Variants in ARHGEF7 observed in about 807,000 individuals in gnomAD.
ARHGEF7 encodes Rho guanine nucleotide exchange factor 7.
Under a neutral mutation model 109.8 loss-of-function variants are expected in ARHGEF7, and 33 were observed. The observed-to-expected ratio is 0.30, with a 90% CI of 0.23 to 0.40. The LOEUF is 0.40. Among genes scored for constraint, ARHGEF7 ranks in the 10% least tolerant of loss-of-function variants. The pLI, the probability that ARHGEF7 is intolerant of heterozygous loss-of-function variation, is 1.00. For missense variants in ARHGEF7, 938 were observed against 1,098.5 expected (o/e 0.85, Z 2.07); for synonymous variants, 458 against 424.6 (o/e 1.08, Z -0.97).
At position 111,145,552 on chromosome 13, in the gene ARHGEF7, T is replaced by G. The variant is rs979416234; in HGVS notation, c.166-8353T>G. ...TTGGTAAATGTTAAACACCTGGCTG[T>G]CTGGGAGGGGTGGCCCTGGCGTGTA... is the stretch of plus-strand genomic sequence containing the variant. On this transcript the variant is annotated intron_variant, in intron 1 of 21. Coordinates refer to ENST00000646102, the MANE Select transcript of ARHGEF7 (RefSeq NM_001354046.2). The surrounding 1 kb of genome is among the most constrained non-coding windows in gnomAD (Gnocchi z 4.3). Among the ~76,000 whole-genome samples, 1 of 152,182 alleles carries G rather than the reference T, an allele frequency of 6.6e-6. No homozygotes were observed. Among genetic ancestry groups the G allele is most frequent in the Non-Finnish European group, 1.5e-5 (1 of 68,032 alleles).
chr13:111,206,516 T>A (rs1594713861), intron 3 of ARHGEF7, among the ~76,000 whole-genome samples: 2 of 152,200 alleles, frequency 1.3e-5, no homozygotes, highest in East Asian at 3.9e-4. Flanking sequence ...ACTTCTGAGG[T>A]TTAAAGGACT....
rs1022364889 is a variant in ARHGEF7 at position 111,154,070 on chromosome 13, G to C, written c.252+79G>C. 21 of 1,379,360 alleles carry C rather than the reference G, an allele frequency of 1.5e-5. No homozygotes were observed. The Admixed American group carries it at 2.3e-4, about 15-fold the overall frequency. 85.4% of individuals were successfully genotyped at this position (1,379,360 alleles called of 1,614,324 possible). A position where few individuals can be genotyped will look rare whatever the true frequency, so the allele number is the denominator to read the frequency against. ...CCGGGGTGGGTGCTTCGCTCCAGCC[G>C]GACCTCCTGCCTCCTCCGCGCCCGG... On this transcript the variant is annotated intron_variant, in intron 2 of 21. Coordinates refer to ENST00000646102, the MANE Select transcript of ARHGEF7 (RefSeq NM_001354046.2).
At chr13:111,173,461 T>G (rs996382421) in intron 2 of ARHGEF7, among the ~76,000 whole-genome samples, 7 of 152,212 alleles carry the variant, frequency 4.6e-5, no homozygotes, top group Admixed American at 2.0e-4. Context: ...GGGAGGATGC[T>G]CCACCTTCGT....
At chr13:111,127,334 A>C (rs2067632809) in intron 1 of ARHGEF7, among the ~76,000 whole-genome samples, 2 of 152,180 alleles carry the variant, frequency 1.3e-5, no homozygotes, top group Non-Finnish European at 2.9e-5. Flanking sequence ...TAAGAAAAAA[A>C]TAACTGTAAT....
intron 1 of ARHGEF7, among the ~76,000 whole-genome samples, chr13:111,138,791 C>A (rs1388095030): frequency 6.6e-6 from 1 of 152,138 alleles, no homozygotes; most frequent in African/African-American, 2.4e-5. Context: ...TTTGACAACA[C>A]CCCACCCCAA....
rs1199545464 is a variant in ARHGEF7, at chr13:111,266,785, C to T, written c.951-763C>T. 2 of 455,738 alleles carry T rather than the reference C, an allele frequency of 4.4e-6. No homozygotes were observed. The highest frequency in any genetic ancestry group is 8.8e-6 in the Non-Finnish European group (2 of 226,754). 28.2% of individuals were successfully genotyped at this position (455,738 alleles called of 1,614,324 possible). On this transcript the variant is annotated intron_variant, in intron 8 of 21. Transcript: ENST00000646102. The surrounding 1 kb of genome is among the most constrained non-coding windows in gnomAD (Gnocchi z 4.8). ...TGGGGAGCAAAGACACCCTGGGGTG[C>T]AGGGAAGGTGGTAAGAGTTCACGTG...
At chr13:111,182,909 G>A (rs2078903676) in intron 2 of ARHGEF7, among the ~76,000 whole-genome samples, 1 of 152,134 alleles carries the variant, frequency 6.6e-6, no homozygotes, top group African/African-American at 2.4e-5. Context: ...GCTATTCAAC[G>A]CTGTGTTATA....
At chr13:111,133,252 T>C (rs1177917101) in intron 1 of ARHGEF7, among the ~76,000 whole-genome samples, 1 of 152,054 alleles carries the variant, frequency 6.6e-6, no homozygotes, top group Non-Finnish European at 1.5e-5. Flanking sequence ...TATGCGCATA[T>C]ATACATACAG....
At chr13:111,135,341 T>C (rs943998697) in intron 1 of ARHGEF7, among the ~76,000 whole-genome samples, 15 of 152,184 alleles carry the variant, frequency 9.9e-5, no homozygotes, top group Non-Finnish European at 5.9e-5. Context: ...GTGAAGAAAG[T>C]CATTGGTAGC....
At chr13:111,231,182 A>C (rs547613017) in intron 5 of ARHGEF7, among the ~76,000 whole-genome samples, 5 of 152,330 alleles carry the variant, frequency 3.3e-5, no homozygotes, top group Non-Finnish European at 7.3e-5. Flanking sequence ...CTGCCTCCAA[A>C]TTGTAGATTT....
At chr13:111,124,846 G>A (rs1192962449) in intron 1 of ARHGEF7, among the ~76,000 whole-genome samples, 1 of 152,122 alleles carries the variant, frequency 6.6e-6, no homozygotes, top group Admixed American at 6.5e-5. Context: ...TCCAACGGCC[G>A]CCTCCCGGGT....
At chr13:111,132,542 A>G (rs765563802) in intron 1 of ARHGEF7, among the ~76,000 whole-genome samples, 2 of 152,140 alleles carry the variant, frequency 1.3e-5, no homozygotes, top group African/African-American at 2.4e-5. Flanking sequence ...CATGTTGAGG[A>G]CTATTGTTGT....
At chr13:111,141,358 GTTTTT>G (rs34639240) in intron 1 of ARHGEF7, among the ~76,000 whole-genome samples, 1 of 146,940 alleles carries the variant, frequency 6.8e-6, no homozygotes, top group Non-Finnish European at 1.5e-5. Flanking sequence ...CCGTCCCCAT[GTTTTT>G]TTTTTTTAAA....
At chr13:111,301,335 A>C (rs1214869369) in intron 20 of ARHGEF7, 143 bp from the exon 21 acceptor site, 5 of 646,306 alleles carry the variant, frequency 7.7e-6, no homozygotes, top group Non-Finnish European at 1.3e-5. Context: ...GGCAGTTTTT[A>C]GTTGTGAATG....
At chr13:111,241,036 G>T in intron 6 of ARHGEF7, 2 of 1,035,400 alleles carry the variant, frequency 1.9e-6, no homozygotes, top group Non-Finnish European at 2.7e-6. Context: ...GCACAGCAGT[G>T]AGTCCTCTTT....
chr13:111,279,049 T>C (rs1242653126), intron 13 of ARHGEF7, among the ~76,000 whole-genome samples: 1 of 152,210 alleles, frequency 6.6e-6, no homozygotes, highest in Non-Finnish European at 1.5e-5. Context: ...CAAAAAGTGT[T>C]CGGTCCAGCC....
At chr13:111,213,348 A>G (rs1566840629) in intron 4 of ARHGEF7, among the ~76,000 whole-genome samples, 1 of 152,122 alleles carries the variant, frequency 6.6e-6, no homozygotes, top group Non-Finnish European at 1.5e-5. Context: ...CAGTTACTAA[A>G]TTTTATTGAC....
rs752972172 is a variant in ARHGEF7 at position 111,280,677 on chromosome 13, C to G, written c.1725C>G (p.Thr575=). ...TIKPHSVPSH[T]LPSHPVTPSS... ...AGCCTCATTCAGTGCCATCTCATAC[C>G]GTAAGGACTTGGTGCTTCTCCTCCT... Residue 575 remains threonine (T), a splice_region_variant and synonymous_variant, in exon 15 of 22, where the codon ACC becomes ACG. Coordinates refer to ENST00000646102, the MANE Select transcript of ARHGEF7 (RefSeq NM_001354046.2). 2.6e-6 allele frequency: 4 copies of G among 1,560,136 alleles called. No homozygotes were observed. In the Admixed American group the frequency reaches 5.9e-5, roughly 23 times the overall value.
At chr13:111,176,922 A>G (rs1165227379) in intron 2 of ARHGEF7, among the ~76,000 whole-genome samples, 1 of 151,820 alleles carries the variant, frequency 6.6e-6, no homozygotes, top group East Asian at 1.9e-4. Context: ...ACGCCCCACT[A>G]ATTTTTGTAT....
Sources: gnomAD v4.1 joint callset for allele counts (sites outside exome capture counted in the v4.1 genomes callset) on GRCh38, gnomAD v4.1.1 for gene constraint, Gnocchi (gnomAD v3.1) non-coding constraint, MANE v1.5 for transcripts, NCBI Gene and HGNC (gene_info 2026-07-23, HGNC 2026-07-21) for gene names.